Variants in FRMD4B observed in about 807,000 individuals in gnomAD.
FRMD4B encodes the protein FERM domain containing 4B.
FRMD4B carries 74 observed loss-of-function variants against 141.5 expected under a neutral mutation model. The ratio of observed to expected loss-of-function variants is 0.52; its 90% CI spans 0.43 to 0.63. FRMD4B has a LOEUF of 0.63. Ranked by LOEUF, FRMD4B falls within the 30% of genes least tolerant of loss-of-function variation. FRMD4B has a pLI of 0.00. For synonymous variants in FRMD4B, 506 were observed against 467.9 expected (o/e 1.08, Z -1.05); for missense variants, 1,366 against 1,253.4 (o/e 1.09, Z -1.36).
At position 69,324,863 on chromosome 3, in the gene FRMD4B, C is replaced by CG. The variant is rs77202778; in HGVS notation, c.163-11347dup. Among the ~76,000 whole-genome samples, 133 of 150,616 alleles carry CG rather than the reference C, an allele frequency of 8.8e-4. 2 individuals carry two copies. Among genetic ancestry groups the CG allele is most frequent in the Middle Eastern group, 6.8e-3 (2 of 294 alleles). On this transcript the variant is annotated intron_variant, in intron 1 of 22. Transcript: ENST00000398540. The stretch of plus-strand genomic sequence containing the variant: ...ACCCTAATGTTTTGGAAGGCTGAGG[C>CG]GGGGGGGGATTGCTTGAGCCCAGGA...
intron 2 of FRMD4B, among the ~76,000 whole-genome samples, chr3:69,415,375 T>C (rs978884653): frequency 6.6e-6 from 1 of 152,152 alleles, no homozygotes; most frequent in Non-Finnish European, 1.5e-5. Context: ...CCCCCAGTTC[T>C]TTCATTTCAA....
chr3:69,313,433 A>T lies in FRMD4B; in HGVS notation c.228+19T>A. ...TGGGCAAGACTTATCTGGGCAACAC[A>T]CATGTGGGCCACACCTACCTGAACC... On this transcript the variant is annotated intron_variant, in intron 2 of 22. Transcript: ENST00000398540. The T allele has an allele frequency of 7.1e-6, 11 of 1,544,256 alleles. No individual in the cohort carries two copies. The highest frequency in any genetic ancestry group is 9.7e-6 in the Non-Finnish European group (11 of 1,136,618).
intron 1 of FRMD4B, among the ~76,000 whole-genome samples, chr3:69,351,703 A>G (rs968517925): frequency 2.6e-5 from 4 of 152,232 alleles, no homozygotes; most frequent in Admixed American, 6.5e-5. Context: ...CAAAGGGTGG[A>G]CAGAGCATAG....
intron 1 of FRMD4B, among the ~76,000 whole-genome samples, chr3:69,530,967 C>A (rs1287264569): frequency 6.6e-6 from 1 of 152,118 alleles, no homozygotes; most frequent in African/African-American, 2.4e-5. Context: ...GACAGAAATA[C>A]CCAAAGAGGG....
At chr3:69,203,494 T>C (rs996187361) in intron 11 of FRMD4B, among the ~76,000 whole-genome samples, 3 of 152,134 alleles carry the variant, frequency 2.0e-5, no homozygotes. Context: ...CCGTGTATGT[T>C]TGAGGTCTTG....
chr3:69,498,332 A>C (rs1575591801), intron 1 of FRMD4B, among the ~76,000 whole-genome samples: 1 of 152,232 alleles, frequency 6.6e-6, no homozygotes, highest in African/African-American at 2.4e-5. Context: ...AAAGGCAATA[A>C]GGGGATTTTA....
chr3:69,383,002 TA>T (rs963192431), intron 1 of FRMD4B, among the ~76,000 whole-genome samples: 5 of 152,044 alleles, frequency 3.3e-5, no homozygotes, highest in African/African-American at 7.2e-5. Context: ...TCTATTATAA[TA>T]AAAAAAATCC....
At chr3:69,211,748 T>C (rs1398616788) in intron 11 of FRMD4B, among the ~76,000 whole-genome samples, 1 of 152,184 alleles carries the variant, frequency 6.6e-6, no homozygotes, top group Admixed American at 6.5e-5. Context: ...AGTTTGCCAA[T>C]TTGACCTTCA....
Position 69,226,565 on chromosome 3 carries a change from C to T in FRMD4B, c.582-1875G>A, listed in dbSNP as rs567407412. 6.6e-5 allele frequency among the ~76,000 whole-genome samples: 10 copies of T among 152,084 alleles called. 1 individual carries two copies. Among genetic ancestry groups the T allele is most frequent in the African/African-American group, 1.9e-4 (8 of 41,484 alleles). ...CATCGTGTTATGAAATCATCCCCAT[C>T]GACCACATGCATGTTGTTATTTCTG... On this transcript the variant is annotated intron_variant, in intron 7 of 22. Coordinates refer to ENST00000398540, the MANE Select transcript of FRMD4B (RefSeq NM_015123.3).
At chr3:69,297,986 ATTTTC>A (rs984502131) in intron 4 of FRMD4B, among the ~76,000 whole-genome samples, 6 of 152,018 alleles carry the variant, frequency 3.9e-5, no homozygotes, top group African/African-American at 1.4e-4. Flanking sequence ...TGCTTTAAAT[ATTTTC>A]TTTTCTCTGT....
At chr3:69,184,277 A>T (rs1004738331) in intron 19 of FRMD4B, among the ~76,000 whole-genome samples, 7 of 152,166 alleles carry the variant, frequency 4.6e-5, no homozygotes, top group Non-Finnish European at 1.0e-4. Flanking sequence ...AAGCACATAA[A>T]CTTATTAGCA....
chr3:69,491,136 A>T (rs1189875165), intron 1 of FRMD4B, among the ~76,000 whole-genome samples: 2 of 152,242 alleles, frequency 1.3e-5, no homozygotes, highest in Non-Finnish European at 2.9e-5. Context: ...TTGCACTTCC[A>T]ATGCAAGGAA....
In FRMD4B at chr3:69,169,353, C is replaced by CTTCCTTTTTTTTTTTTTTTTTT. The variant is rs1553691418; in HGVS notation, c.*2507_*2508insAAAAAAAAAAAAAAAAAAGGAA. On this transcript the variant is annotated 3_prime_UTR_variant, in exon 23 of 23. Transcript: ENST00000398540. ...AGGATTGCTGAACTTCCATTTCTTTCTTTTTTTTTTTTTTTTTTTTTTCTT... is the reference window on the plus strand; with the variant it reads ...AGGATTGCTGAACTTCCATTTCTTTCTTCCTTTTTTTTTTTTTTTTTTTTTTTTTTTTTTTTTTTTTTTTCTT... Among the ~76,000 whole-genome samples, 4 of 29,286 alleles carry CTTCCTTTTTTTTTTTTTTTTTT rather than the reference C, an allele frequency of 1.4e-4. 1 individual carries two copies. Among genetic ancestry groups the CTTCCTTTTTTTTTTTTTTTTTT allele is most frequent in the South Asian group, 6.7e-4 (1 of 1,492 alleles). The allele number at this position is 29,286 out of a possible 152,430, so 19.2% of individuals were successfully genotyped here.
chr3:69,314,144 A>AAAAC (rs1266242882), intron 1 of FRMD4B, among the ~76,000 whole-genome samples: 32 of 75,912 alleles, frequency 4.2e-4, no homozygotes, highest in Non-Finnish European at 7.0e-4. Flanking sequence ...GTCTCAAAAA[A>AAAAC]AAAAAAAAAA....
chr3:69,336,138 G>A (rs2107353368), intron 1 of FRMD4B, among the ~76,000 whole-genome samples: 1 of 152,222 alleles, frequency 6.6e-6, no homozygotes, highest in Non-Finnish European at 1.5e-5. Context: ...AGAATGCACA[G>A]TTTAAGAAAA....
intron 1 of FRMD4B, among the ~76,000 whole-genome samples, chr3:69,467,815 G>C (rs1220975682): frequency 6.6e-6 from 1 of 152,132 alleles, no homozygotes; most frequent in Non-Finnish European, 1.5e-5. Flanking sequence ...AGGTAAATGG[G>C]ATCCTAGCAG....
intron 1 of FRMD4B, among the ~76,000 whole-genome samples, chr3:69,450,462 A>AT (rs1219396082): frequency 6.6e-6 from 1 of 152,166 alleles, no homozygotes; most frequent in Non-Finnish European, 1.5e-5. Context: ...CTCAAAAAAA[A>AT]ACAAAATAGG....
chr3:69,245,345 G>GTTTT (rs1363513277), intron 7 of FRMD4B, among the ~76,000 whole-genome samples: 22 of 150,860 alleles, frequency 1.5e-4, no homozygotes, highest in African/African-American at 5.4e-4. Flanking sequence ...GTGTGTGTGT[G>GTTTT]TGTGTGTGTT....
intron 1 of FRMD4B, among the ~76,000 whole-genome samples, chr3:69,512,308 G>A (rs1232626098): frequency 6.6e-6 from 1 of 152,088 alleles, no homozygotes; most frequent in Non-Finnish European, 1.5e-5. Flanking sequence ...TCTTAATAAG[G>A]AAGGCAAACA....
Sources: allele counts gnomAD v4.1 joint callset (sites outside exome capture counted in the v4.1 genomes callset), GRCh38; gene constraint gnomAD v4.1.1; transcripts MANE v1.5; gene names NCBI Gene and HGNC (gene_info 2026-07-23, HGNC 2026-07-21).